Variants in MAD1L1 observed in about 807,000 individuals in gnomAD.
MAD1L1 encodes the protein mitotic spindle assembly checkpoint protein MAD1.
Under a neutral mutation model 96.9 loss-of-function variants are expected in MAD1L1, and 95 were observed. That is an observed-to-expected ratio of 0.98 (90% confidence interval 0.83 to 1.16). The LOEUF is 1.16. Among genes scored for constraint, MAD1L1 ranks in the 50% most tolerant of loss-of-function variants. The probability of loss-of-function intolerance (pLI) is 0.00; values close to 1 mark genes in which losing one functional copy is unlikely to be tolerated. For synonymous variants in MAD1L1, 473 were observed against 396.6 expected, an observed-to-expected ratio of 1.19 and a Z score of -2.29; for missense variants, 1,007 against 954.4, an observed-to-expected ratio of 1.06 and a Z score of -0.73.
At chr7:2,172,653 T>C (rs1053009378) in intron 10 of MAD1L1, among the ~76,000 whole-genome samples, 9 of 152,192 alleles carry the variant, frequency 5.9e-5, no homozygotes, top group Admixed American at 5.9e-4. Context: ...CCGTCAGTAG[T>C]CCTCGTGGTG....
In MAD1L1 at chr7:2,148,013, C is replaced by T. The variant is rs545158470; in HGVS notation, c.1073+1139G>A. The stretch of plus-strand genomic sequence containing the variant: ...TGAGGATCGCCTGGTAAAGTGTGAA[C>T]GCTTTAACTTCAAATCACTTTTAAT... On this transcript the variant is annotated intron_variant, in intron 11 of 18. Coordinates refer to ENST00000265854, the MANE Select transcript of MAD1L1 (RefSeq NM_001013836.2). Among the ~76,000 whole-genome samples the T allele has an allele frequency of 1.8e-4, 28 of 152,308 alleles. 1 individual carries two copies. The South Asian group carries it at 4.3e-3, about 24-fold the overall frequency.
intron 12 of MAD1L1, among the ~76,000 whole-genome samples, chr7:2,034,750 G>C (rs1039331796): frequency 6.6e-6 from 1 of 152,216 alleles, no homozygotes; most frequent in Non-Finnish European, 1.5e-5. Context: ...TTGGCTGAAT[G>C]AATGAACAGG....
At chr7:1,986,611 TGTCTGCTCACTGC>T (rs1384319717) in intron 14 of MAD1L1, among the ~76,000 whole-genome samples, 6 of 152,032 alleles carry the variant, frequency 3.9e-5, no homozygotes, top group Admixed American at 1.3e-4. Context: ...CCCGGGGATG[TGTCTGCTCACTGC>T]GTCTGCTCAC....
At chr7:2,162,708 C>CA (rs200992128) in intron 10 of MAD1L1, among the ~76,000 whole-genome samples, 5,902 of 96,400 alleles carry the variant, frequency 0.061, 344 homozygotes, top group African/African-American at 0.16. Flanking sequence ...CCACCACTCA[C>CA]AAAAAAAAAA....
chr7:1,964,136 C>T (rs73292419), intron 15 of MAD1L1, among the ~76,000 whole-genome samples: 2,425 of 152,278 alleles, frequency 0.016, 74 homozygotes, highest in African/African-American at 0.055. Flanking sequence ...TCCTGACCCT[C>T]GCCTCCCAGG....
intron 11 of MAD1L1, among the ~76,000 whole-genome samples, chr7:2,101,081 C>T (rs573820667): frequency 1.3e-5 from 2 of 152,368 alleles, no homozygotes; most frequent in East Asian, 3.9e-4. Context: ...AATTTGTTTT[C>T]AACGGCTTCC....
chr7:2,147,521 C>T (rs962822649), intron 11 of MAD1L1, among the ~76,000 whole-genome samples: 1 of 152,226 alleles, frequency 6.6e-6, no homozygotes, highest in African/African-American at 2.4e-5. Flanking sequence ...TCCCTTTGGC[C>T]TCCCAGACCA....
At chr7:2,230,172 G>A (rs1461874043) in intron 2 of MAD1L1, 29 bp from the exon 3 acceptor site, 20 of 1,557,894 alleles carry the variant, frequency 1.3e-5, no homozygotes, top group Non-Finnish European at 1.7e-5. Flanking sequence ...GGACTGGTCA[G>A]GGGCAGCCTT....
At chr7:1,954,444 G>T (rs1017767734) in intron 16 of MAD1L1, among the ~76,000 whole-genome samples, 1 of 152,148 alleles carries the variant, frequency 6.6e-6, no homozygotes, top group Non-Finnish European at 1.5e-5. Context: ...AGAACAAAGC[G>T]CTGGGGCCCC....
At chr7:1,881,614 T>A (rs1785684901) in intron 18 of MAD1L1, among the ~76,000 whole-genome samples, 1 of 152,182 alleles carries the variant, frequency 6.6e-6, no homozygotes, top group Admixed American at 6.5e-5. Flanking sequence ...AATAGCACAT[T>A]ATGCAACCAT....
intron 11 of MAD1L1, among the ~76,000 whole-genome samples, chr7:2,087,135 G>A (rs1009560244): frequency 2.0e-5 from 3 of 152,292 alleles, no homozygotes; most frequent in South Asian, 2.1e-4. Flanking sequence ...GGAGGCAGGA[G>A]AAACTCTTAG....
At chr7:2,022,082 A>G (rs1045445847) in intron 12 of MAD1L1, among the ~76,000 whole-genome samples, 2 of 152,114 alleles carry the variant, frequency 1.3e-5, no homozygotes, top group East Asian at 1.9e-4. Flanking sequence ...CAGCCTCCCA[A>G]GTCGCTGGGA....
At chr7:1,933,102 G>A (rs989120729) in intron 17 of MAD1L1, among the ~76,000 whole-genome samples, 2 of 152,006 alleles carry the variant, frequency 1.3e-5, no homozygotes, top group African/African-American at 2.4e-5. Context: ...TTCCCTCCCC[G>A]CTGACGCTGT....
chr7:1,940,480 G>A (rs1351592719), intron 16 of MAD1L1: 18 of 152,258 alleles, frequency 1.2e-4, no homozygotes, highest in Admixed American at 1.1e-3. Flanking sequence ...CCTCTGACGG[G>A]CGGCACTGGC....
At chr7:2,134,066 A>ACTTG (rs2128570195) in intron 11 of MAD1L1, among the ~76,000 whole-genome samples, 1 of 152,292 alleles carries the variant, frequency 6.6e-6, no homozygotes, top group African/African-American at 2.4e-5. Context: ...CACAAATATA[A>ACTTG]CTTGCTGGGA....
intron 11 of MAD1L1, among the ~76,000 whole-genome samples, chr7:2,140,722 TC>T (rs1470005953): frequency 6.6e-6 from 1 of 152,128 alleles, no homozygotes; most frequent in Non-Finnish European, 1.5e-5. Flanking sequence ...GCAGTTGCCT[TC>T]CCCCAGTCCC....
chr7:2,046,789 C>T (rs1199905238), intron 12 of MAD1L1, among the ~76,000 whole-genome samples: 2 of 152,152 alleles, frequency 1.3e-5, no homozygotes, highest in Admixed American at 6.5e-5. Context: ...CTGAAGATTC[C>T]GTAAGCTCCT....
chr7:2,164,606 G>C (rs1268709065), intron 10 of MAD1L1, among the ~76,000 whole-genome samples: 3 of 132,930 alleles, frequency 2.3e-5, no homozygotes, highest in East Asian at 5.0e-4. Context: ...GGGGGGGGGG[G>C]GTTGCGGGTG....
At chr7:1,826,922 C>A (rs1459476969) in intron 18 of MAD1L1, among the ~76,000 whole-genome samples, 2 of 152,176 alleles carry the variant, frequency 1.3e-5, no homozygotes, top group Middle Eastern at 3.2e-3. Context: ...CGGGCAAGGC[C>A]AGGCACCCCA....
Sources: allele counts gnomAD v4.1 joint callset (sites outside exome capture counted in the v4.1 genomes callset), GRCh38; gene constraint gnomAD v4.1.1; transcripts MANE v1.5; gene names NCBI Gene and HGNC (gene_info 2026-07-23, HGNC 2026-07-21).